Variants in ADRA1B observed in about 807,000 individuals in gnomAD.
ADRA1B encodes alpha-1B adrenergic receptor.
A neutral mutation model predicts 17.9 loss-of-function variants in ADRA1B; 17 were observed. That is an observed-to-expected ratio of 0.95 (90% CI 0.65 to 1.42). ADRA1B has a LOEUF of 1.42. Ranked by LOEUF, ADRA1B falls within the 40% of genes most tolerant of loss-of-function variation. ADRA1B has a pLI of 0.00. For synonymous variants in ADRA1B, 366 were observed against 327.6 expected (o/e 1.12, Z -1.27); for missense variants, 681 against 722.1 (o/e 0.94, Z 0.65).
chr5:159,925,142 G>C (rs1754609672), intron 1 of ADRA1B, among the ~76,000 whole-genome samples: 2 of 152,210 alleles, frequency 1.3e-5, no homozygotes, highest in African/African-American at 4.8e-5. Flanking sequence ...CTCTCCTAGA[G>C]GTGGGGCTCT....
intron 1 of ADRA1B, among the ~76,000 whole-genome samples, chr5:159,934,859 G>A (rs1754911162): frequency 6.6e-6 from 1 of 151,220 alleles, no homozygotes; most frequent in Admixed American, 6.6e-5. Context: ...TGACATATCT[G>A]TCTGGCTCTG....
chr5:159,878,911 G>C (rs1753828522), intron 1 of ADRA1B, among the ~76,000 whole-genome samples: 1 of 152,254 alleles, frequency 6.6e-6, no homozygotes, highest in East Asian at 1.9e-4. Context: ...AAGACAGACA[G>C]CCTGTACCCA....
chr5:159,898,475 T>C (rs1394652278), intron 1 of ADRA1B, among the ~76,000 whole-genome samples: 5 of 152,240 alleles, frequency 3.3e-5, no homozygotes, highest in African/African-American at 1.2e-4. Context: ...GCAGTTTATA[T>C]CTCTAATGTA....
chr5:159,889,185 A>G (rs1462955120), intron 1 of ADRA1B, among the ~76,000 whole-genome samples: 1 of 152,208 alleles, frequency 6.6e-6, no homozygotes, highest in Non-Finnish European at 1.5e-5. Context: ...GCAGTGGTCC[A>G]GGACCTGTGA....
chr5:159,949,021 AT>A (rs1213574148), intron 1 of ADRA1B, among the ~76,000 whole-genome samples: 1 of 152,214 alleles, frequency 6.6e-6, no homozygotes, highest in African/African-American at 2.4e-5. Flanking sequence ...ATAAGTAGTG[AT>A]GTTAAAATTT....
intron 1 of ADRA1B, among the ~76,000 whole-genome samples, chr5:159,943,041 G>A (rs1182136982): frequency 2.0e-5 from 3 of 151,924 alleles, no homozygotes; most frequent in African/African-American, 4.8e-5. Flanking sequence ...GTGAAACCCC[G>A]TCTCTACTAA....
upstream of ADRA1B, among the ~76,000 whole-genome samples, chr5:159,911,864 C>T (rs1170041154): frequency 3.9e-5 from 6 of 152,168 alleles, no homozygotes; most frequent in Non-Finnish European, 8.8e-5. Context: ...GCAGATGCCT[C>T]ACTCCTCCAA....
chr5:159,865,938 T>C (rs1753646907), intron 1 of ADRA1B, among the ~76,000 whole-genome samples: 1 of 152,186 alleles, frequency 6.6e-6, no homozygotes, highest in African/African-American at 2.4e-5. Flanking sequence ...AATAAACAGA[T>C]AAATTATGTT....
intron 1 of ADRA1B, among the ~76,000 whole-genome samples, chr5:159,961,287 A>G (rs1185686918): frequency 1.3e-5 from 2 of 152,222 alleles, no homozygotes; most frequent in African/African-American, 2.4e-5. Flanking sequence ...GAGAATTACA[A>G]TAGAGAATGT....
chr5:159,884,776 T>G (rs997566554), intron 1 of ADRA1B, among the ~76,000 whole-genome samples: 19 of 152,278 alleles, frequency 1.2e-4, no homozygotes, highest in African/African-American at 4.6e-4. Flanking sequence ...AATGTTCAGA[T>G]CTACCACCCT....
Position 159,917,349 on chromosome 5 carries a change from C to G in ADRA1B, c.444C>G (p.Arg148=), listed in dbSNP as rs1754346489. Residue 148 remains arginine, a synonymous_variant, in exon 1 of 2, where the codon CGC becomes CGG. Transcript: ENST00000306675. The part of the protein sequence containing the change: ...AISIDRYIGV[R]YSLQYPTLVT... ...CCATCGATCGCTACATCGGGGTGCG[C>G]TACTCTCTGCAGTATCCCACGCTGG... 1.2e-6 allele frequency: 2 copies of G among 1,614,152 alleles called. No individual in the cohort carries two copies. The highest frequency in any genetic ancestry group is 1.7e-6 in the Non-Finnish European group (2 of 1,180,032).
intron 1 of ADRA1B, among the ~76,000 whole-genome samples, chr5:159,907,682 G>T (rs1754176281): frequency 6.6e-6 from 1 of 152,134 alleles, no homozygotes; most frequent in Non-Finnish European, 1.5e-5. Flanking sequence ...CTTTCTAGGT[G>T]CCAGGCACAG....
chr5:159,969,091 A>G (rs1223034147), intron 1 of ADRA1B, among the ~76,000 whole-genome samples: 1 of 152,184 alleles, frequency 6.6e-6, no homozygotes, highest in Non-Finnish European at 1.5e-5. Flanking sequence ...GTGAGACCCA[A>G]ATCTAATGGT....
At chr5:159,899,310 GGAAGGAAA>G (rs1754075532) in intron 1 of ADRA1B, among the ~76,000 whole-genome samples, 2 of 142,646 alleles carry the variant, frequency 1.4e-5, no homozygotes, top group African/African-American at 2.6e-5. Context: ...AAGGAAGGAA[GGAAGGAAA>G]GAAGGAAAGG....
intron 1 of ADRA1B, among the ~76,000 whole-genome samples, chr5:159,928,275 A>G (rs1269032900): frequency 6.6e-6 from 1 of 151,960 alleles, no homozygotes; most frequent in Non-Finnish European, 1.5e-5. Context: ...ACCCATCATC[A>G]CCCCTCCTGG....
the ADRA1B span, among the ~76,000 whole-genome samples, chr5:159,981,344 C>G: frequency 1.3e-5 from 2 of 151,870 alleles, no homozygotes; most frequent in African/African-American, 4.8e-5. Flanking sequence ...TCAAAATTGT[C>G]TCCAGCCAAA....
chr5:159,878,417 G>A (rs1459228962), intron 1 of ADRA1B, among the ~76,000 whole-genome samples: 1 of 152,350 alleles, frequency 6.6e-6, no homozygotes, highest in African/African-American at 2.4e-5. Flanking sequence ...AGTCCAAGGA[G>A]GGAGGCTGGG....
chr5:159,986,797 C>T, the ADRA1B span, among the ~76,000 whole-genome samples: 1 of 152,162 alleles, frequency 6.6e-6, no homozygotes, highest in African/African-American at 2.4e-5. Context: ...ACGTTAGCCC[C>T]ATCGTAATTC....
At chr5:159,924,480 G>A (rs568069385) in intron 1 of ADRA1B, among the ~76,000 whole-genome samples, 56 of 152,342 alleles carry the variant, frequency 3.7e-4, no homozygotes, top group Admixed American at 3.5e-3. Flanking sequence ...AGAAGTGACG[G>A]CAAGAAAGAA....
Sources: allele counts gnomAD v4.1 joint callset (sites outside exome capture counted in the v4.1 genomes callset), GRCh38; gene constraint gnomAD v4.1.1; transcripts MANE v1.5; gene names NCBI Gene and HGNC (gene_info 2026-07-23, HGNC 2026-07-21).